Variants in USH2A observed in about 807,000 individuals in gnomAD.
USH2A encodes the protein usherin, also known as Usher syndrome 2A (autosomal recessive, mild).
In USH2A, 443 loss-of-function variants were observed where a neutral mutation model predicts 538.9. That is an observed-to-expected ratio of 0.82 (90% CI 0.76 to 0.89). USH2A has a LOEUF of 0.89. USH2A is among the 40% of genes least tolerant of loss of function. The pLI, the probability that USH2A is intolerant of heterozygous loss-of-function variation, is 0.00. For missense variants in USH2A, 6,633 were observed against 6,324.8 expected (o/e 1.05, Z -1.65); for synonymous variants, 2,413 against 2,273.5 (o/e 1.06, Z -1.75).
At chr1:215,867,371 G>A (rs1664503047) in intron 43 of USH2A, among the ~76,000 whole-genome samples, 1 of 152,066 alleles carries the variant, frequency 6.6e-6, no homozygotes, top group African/African-American at 2.4e-5. Context: ...TGACTTGCCA[G>A]CATAAACCAA....
intron 11 of USH2A, among the ~76,000 whole-genome samples, chr1:216,255,930 T>C (rs1299938536): frequency 6.6e-6 from 1 of 152,176 alleles, no homozygotes; most frequent in African/African-American, 2.4e-5. Flanking sequence ...ATATTAAGAA[T>C]TGTTATGTCC....
At chr1:216,017,294 T>C (rs1424478338) in intron 32 of USH2A, among the ~76,000 whole-genome samples, 1 of 152,054 alleles carries the variant, frequency 6.6e-6, no homozygotes, top group African/African-American at 2.4e-5. Flanking sequence ...TCCCCTACTT[T>C]GCCTCTGCAC....
At chr1:215,783,048 T>A in intron 52 of USH2A, 113 bp from the exon 53 acceptor site, 2 of 934,204 alleles carry the variant, frequency 2.1e-6, no homozygotes, top group Non-Finnish European at 3.2e-6. Context: ...TTTAATGCTC[T>A]AAACGCTTTG....
intron 38 of USH2A, among the ~76,000 whole-genome samples, chr1:215,923,579 T>C (rs1157102937): frequency 1.3e-5 from 2 of 152,086 alleles, no homozygotes; most frequent in African/African-American, 4.8e-5. Context: ...AGTGTCCTCA[T>C]TGGTCAGACC....
At chr1:215,640,511 G>T (rs762764017) in intron 68 of USH2A, 47 bp downstream of exon 68, 28 of 1,611,056 alleles carry the variant, frequency 1.7e-5, no homozygotes, top group Non-Finnish European at 2.1e-5. Flanking sequence ...CGTAAAGCTG[G>T]GGAACAGAGC....
chr1:215,674,031 A>G (rs1657907894), intron 63 of USH2A, 69 bp downstream of exon 63: 2 of 1,612,808 alleles, frequency 1.2e-6, no homozygotes, highest in African/African-American at 2.7e-5. Flanking sequence ...ATTAGAACTG[A>G]CCAAGGGCTC....
At position 215,861,838 on chromosome 1, in the gene USH2A, C is replaced by CTTT. The variant is rs11461966; in HGVS notation, c.8845+5166_8845+5168dup. On this transcript the variant is annotated intron_variant, in intron 44 of 71. Coordinates refer to ENST00000307340, the MANE Select transcript of USH2A (RefSeq NM_206933.4). ...GCCATGCAATAGTTAGTAGTTTTCG[C>CTTT]TTTTTTTTTTTTTTTTTTTTGAGAC... Among the ~76,000 whole-genome samples the CTTT allele has an allele frequency of 7.3e-4, 81 of 110,330 alleles. 4 individuals are homozygous for CTTT. Among genetic ancestry groups the CTTT allele is most frequent in the African/African-American group, 1.2e-3 (36 of 28,972 alleles). The allele number at this position is 110,330 out of a possible 152,430, so 72.4% of individuals were successfully genotyped here.
chr1:216,213,182 T>C (rs1020952934), intron 15 of USH2A, among the ~76,000 whole-genome samples: 2 of 152,154 alleles, frequency 1.3e-5, no homozygotes, highest in African/African-American at 4.8e-5. Flanking sequence ...ACTAATTTTG[T>C]GTGTTGATCT....
In USH2A at chr1:216,270,141, G is replaced by A. The variant is rs557117563; in HGVS notation, c.1972-19043C>T. On this transcript the variant is annotated intron_variant, in intron 11 of 71. Transcript: ENST00000307340. Reference sequence around the variant, plus strand: ...AAGCAACACTTTTAAAACAGCAGCAGTATAACTATATGTCTTTCTATGCAC... The same window carrying A: ...AAGCAACACTTTTAAAACAGCAGCAATATAACTATATGTCTTTCTATGCAC... 1.1e-3 allele frequency among the ~76,000 whole-genome samples: 169 copies of A among 152,160 alleles called. 1 individual carries two copies. Among genetic ancestry groups the A allele is most frequent in the African/African-American group, 3.9e-3 (161 of 41,534 alleles).
At chr1:215,963,508 A>G (rs905847879) in intron 37 of USH2A, among the ~76,000 whole-genome samples, 3 of 152,132 alleles carry the variant, frequency 2.0e-5, no homozygotes, top group Non-Finnish European at 4.4e-5. Context: ...GCTTTTGGCA[A>G]TTAACAAACT....
chr1:216,212,683 TTG>T (rs10654206), intron 15 of USH2A, among the ~76,000 whole-genome samples: 1,598 of 147,516 alleles, frequency 0.011, 12 homozygotes, highest in South Asian at 0.018. Flanking sequence ...GTGTGTGTGT[TTG>T]TGTGTGTGTG....
chr1:216,050,561 T>TTCTTTC (rs2030719838), intron 30 of USH2A, among the ~76,000 whole-genome samples: 2 of 12,162 alleles, frequency 1.6e-4, no homozygotes, highest in African/African-American at 4.3e-4. Flanking sequence ...TTTGTATCTT[T>TTCTTTC]TTCTTTCTTT....
intron 61 of USH2A, among the ~76,000 whole-genome samples, chr1:215,710,368 G>A (rs768803246): frequency 2.6e-5 from 4 of 152,072 alleles, no homozygotes; most frequent in Non-Finnish European, 4.4e-5. Flanking sequence ...CCCCCAACAG[G>A]GTGCAATAAT....
At chr1:215,772,557 G>C (rs1661321906) in intron 55 of USH2A, among the ~76,000 whole-genome samples, 1 of 152,120 alleles carries the variant, frequency 6.6e-6, no homozygotes, top group Non-Finnish European at 1.5e-5. Context: ...GTAAATGTGT[G>C]CTAAAAGGGA....
intron 44 of USH2A, among the ~76,000 whole-genome samples, chr1:215,848,012 GTTTC>G (rs1265967231): frequency 1.3e-5 from 2 of 152,104 alleles, no homozygotes; most frequent in African/African-American, 4.8e-5. Context: ...GTTTTGCAGT[GTTTC>G]TTTCCTCTGA....
chr1:215,993,692 T>C (rs1668064707), intron 34 of USH2A, among the ~76,000 whole-genome samples: 1 of 152,176 alleles, frequency 6.6e-6, no homozygotes, highest in South Asian at 2.1e-4. Flanking sequence ...TAACACCAAA[T>C]AAAATTAAAT....
chr1:216,356,267 C>T (rs544068768), intron 4 of USH2A, among the ~76,000 whole-genome samples: 1 of 152,168 alleles, frequency 6.6e-6, no homozygotes, highest in African/African-American at 2.4e-5. Context: ...ATTTTCAAGA[C>T]CACCCTCTGT....
chr1:216,023,459 C>CAAAAAAAAAAAAGAAA (rs1668886929), intron 32 of USH2A, among the ~76,000 whole-genome samples: 1 of 46,956 alleles, frequency 2.1e-5, no homozygotes, highest in Non-Finnish European at 3.8e-5. Context: ...TCAAAGCAGA[C>CAAAAAAAAAAAAGAAA]AAAAAAAAAA....
At chr1:215,836,534 A>ATAT (rs1338149546) in intron 47 of USH2A, among the ~76,000 whole-genome samples, 1 of 23,800 alleles carries the variant, frequency 4.2e-5, no homozygotes, top group Non-Finnish European at 7.1e-5. Context: ...TATTATATAT[A>ATAT]TATATATAAT....
Sources: gnomAD v4.1 joint callset for allele counts (sites outside exome capture counted in the v4.1 genomes callset) on GRCh38, gnomAD v4.1.1 for gene constraint, MANE v1.5 for transcripts, NCBI Gene and HGNC (gene_info 2026-07-23, HGNC 2026-07-21) for gene names.